The following FRMD4B variants were observed in gnomAD, a reference collection of about 807,000 sequenced individuals.
FRMD4B encodes FERM domain-containing protein 4B.
Under a neutral mutation model 141.5 loss-of-function variants are expected in FRMD4B, and 74 were observed. The observed-to-expected ratio is 0.52, with a 90% CI of 0.43 to 0.63. FRMD4B has a LOEUF of 0.63. Among genes scored for constraint, FRMD4B ranks in the 30% least tolerant of loss-of-function variants. The pLI is 0.00. For missense variants in FRMD4B, 1,366 were observed against 1,253.4 expected (o/e 1.09, Z -1.36); for synonymous variants, 506 against 467.9 (o/e 1.08, Z -1.05).
intron 5 of FRMD4B, among the ~76,000 whole-genome samples, chr3:69,272,906 G>T (rs1470089815): frequency 3.9e-5 from 6 of 152,136 alleles, no homozygotes. Flanking sequence ...CCATAAACAG[G>T]CAGCTAGAAC....
chr3:69,371,705 G>A (rs1211561229), intron 1 of FRMD4B, among the ~76,000 whole-genome samples: 7 of 152,170 alleles, frequency 4.6e-5, no homozygotes, highest in Non-Finnish European at 8.8e-5. Flanking sequence ...GTTAGAAGTA[G>A]AATGTAAGTG....
intron 5 of FRMD4B, 25 bp from the exon 6 acceptor site, chr3:69,250,124 A>G (rs776169138): frequency 1.3e-6 from 2 of 1,531,082 alleles, no homozygotes; most frequent in Non-Finnish European, 1.8e-6. Context: ...GGAAAGCATC[A>G]TTGAACATGG....
At chr3:69,180,721 T>C (rs1383734974) in intron 21 of FRMD4B, among the ~76,000 whole-genome samples, 178 bp downstream of exon 21, 1 of 152,172 alleles carries the variant, frequency 6.6e-6, no homozygotes, top group Non-Finnish European at 1.5e-5. Context: ...ACTGAGTTCT[T>C]TGGAGAGCTG....
At chr3:69,268,926 GA>G (rs2093581444) in intron 5 of FRMD4B, among the ~76,000 whole-genome samples, 2 of 150,160 alleles carry the variant, frequency 1.3e-5, no homozygotes, top group African/African-American at 2.5e-5. Flanking sequence ...TTATAGATGA[GA>G]ATTTTTTTTT....
chr3:69,473,860 G>C (rs1705935340), intron 1 of FRMD4B, among the ~76,000 whole-genome samples: 1 of 152,148 alleles, frequency 6.6e-6, no homozygotes, highest in Admixed American at 6.5e-5. Flanking sequence ...TCCAACAAGA[G>C]AAGGCTGCTT....
chr3:69,401,764 G>A (rs2106753623), intron 2 of FRMD4B, among the ~76,000 whole-genome samples: 1 of 152,196 alleles, frequency 6.6e-6, no homozygotes, highest in South Asian at 2.1e-4. Context: ...GCCCAAGCTG[G>A]TCTCAAACTC....
At chr3:69,263,638 T>G (rs946975294) in intron 5 of FRMD4B, among the ~76,000 whole-genome samples, 1 of 150,572 alleles carries the variant, frequency 6.6e-6, no homozygotes, top group African/African-American at 2.4e-5. Context: ...TCTTGAACTC[T>G]TGGGCTTAAG....
At chr3:69,336,277 G>A (rs147213289) in intron 1 of FRMD4B, among the ~76,000 whole-genome samples, 43 of 152,298 alleles carry the variant, frequency 2.8e-4, no homozygotes, top group African/African-American at 9.6e-4. Flanking sequence ...GCATCAACTG[G>A]AGCCTGTTAG....
At chr3:69,209,749 C>T (rs946556570) in intron 11 of FRMD4B, among the ~76,000 whole-genome samples, 2 of 152,216 alleles carry the variant, frequency 1.3e-5, no homozygotes, top group African/African-American at 4.8e-5. Context: ...CTCTGGTTGA[C>T]ATTCTAAAAT....
At chr3:69,382,940 C>T (rs1030232289) in intron 1 of FRMD4B, among the ~76,000 whole-genome samples, 4 of 152,106 alleles carry the variant, frequency 2.6e-5, no homozygotes, top group African/African-American at 9.7e-5. Flanking sequence ...GACTTTTCAG[C>T]TGTGACAAAA....
At position 69,427,643 on chromosome 3, in the gene FRMD4B, G is replaced by GTTTT. The variant is rs774316609; in HGVS notation, c.-1+4987_-1+4990dup. Among the ~76,000 whole-genome samples, 192 of 36,228 alleles carry GTTTT rather than the reference G, an allele frequency of 5.3e-3. 41 individuals are homozygous for GTTTT. Among genetic ancestry groups the GTTTT allele is most frequent in the African/African-American group, 0.017 (157 of 9,374 alleles). The allele number at this position is 36,228 out of a possible 152,430, so 23.8% of individuals were successfully genotyped here. On this transcript the variant is annotated intron_variant, in intron 2 of 5. Transcript: ENST00000459638. ...GTGTTTAGTAAGAAGCTAGGTAAAT[G>GTTTT]TTTTTTTTTTTTTTTTTTTTTTTTT...
intron 7 of FRMD4B, among the ~76,000 whole-genome samples, chr3:69,243,591 G>C (rs2093403775): frequency 6.6e-6 from 1 of 152,204 alleles, no homozygotes; most frequent in Non-Finnish European, 1.5e-5. Flanking sequence ...GTAGCTGGAA[G>C]TTACGCACAG....
chr3:69,188,775 A>AAAC lies in FRMD4B; in HGVS notation c.1772-859_1772-858insGTT, dbSNP rs2092800769. On this transcript the variant is annotated intron_variant, in intron 18 of 22. Coordinates refer to ENST00000398540, the MANE Select transcript of FRMD4B (RefSeq NM_015123.3). ...CGAGACTCCGTCTCAAAAAAAAAAA[A>AAAC]AAAAAAAAACTTGGGGAAGATAAAG... Among the ~76,000 whole-genome samples, 9 of 148,198 alleles carry AAAC rather than the reference A, an allele frequency of 6.1e-5. No individual in the cohort carries two copies. The East Asian group carries it at 8.7e-4, about 14-fold the overall frequency.
intron 1 of FRMD4B, among the ~76,000 whole-genome samples, chr3:69,455,754 A>G (rs903729026): frequency 6.6e-6 from 1 of 152,218 alleles, no homozygotes; most frequent in African/African-American, 2.4e-5. Context: ...AATTTTATGC[A>G]ACACTTTGTA....
intron 7 of FRMD4B, among the ~76,000 whole-genome samples, chr3:69,225,817 G>A (rs917296769): frequency 2.7e-5 from 4 of 148,462 alleles, no homozygotes; most frequent in Non-Finnish European, 4.5e-5. Context: ...AATCTATGAG[G>A]AAATGAACAT....
chr3:69,193,877 C>G lies in FRMD4B; in HGVS notation c.1489-4G>C. 6.4e-7 allele frequency: 1 copy of G among 1,554,664 alleles called. No individual in the cohort carries two copies. On this transcript the variant is annotated splice_polypyrimidine_tract_variant and splice_region_variant and intron_variant, in intron 16 of 22. Transcript: ENST00000398540. Reference sequence around the variant, plus strand: ...CCAGTTCTTGCAAAGCAGGATCCTGCATTTATACAATGATAGTTTTATTTT... The same window carrying G: ...CCAGTTCTTGCAAAGCAGGATCCTGGATTTATACAATGATAGTTTTATTTT...
At chr3:69,234,634 G>A (rs190660182) in intron 7 of FRMD4B, among the ~76,000 whole-genome samples, 1 of 152,170 alleles carries the variant, frequency 6.6e-6, no homozygotes, top group East Asian at 1.9e-4. Context: ...CTGATTCCTA[G>A]GTAAAGCAAT....
intron 2 of FRMD4B, among the ~76,000 whole-genome samples, chr3:69,400,157 A>C (rs1704537316): frequency 6.6e-6 from 1 of 151,944 alleles, no homozygotes; most frequent in African/African-American, 2.4e-5. Flanking sequence ...AGTCTGACAC[A>C]GGAGGATCAC....
intron 20 of FRMD4B, 31 bp downstream of exon 20, chr3:69,182,567 A>C (rs1049300326): frequency 6.3e-7 from 1 of 1,576,328 alleles, no homozygotes; most frequent in Non-Finnish European, 8.6e-7. Flanking sequence ...AAATCAAGAC[A>C]GCTAAAGCAA....
Sources: allele counts gnomAD v4.1 joint callset (sites outside exome capture counted in the v4.1 genomes callset), GRCh38; gene constraint gnomAD v4.1.1; transcripts MANE v1.5; gene names NCBI Gene and HGNC (gene_info 2026-07-23, HGNC 2026-07-21).